Variants in CDH7 observed in about 807,000 individuals in gnomAD.
CDH7 encodes cadherin-7.
CDH7 carries 25 observed loss-of-function variants against 71.8 expected under a neutral mutation model. The observed-to-expected ratio is 0.35, with a 90% CI of 0.25 to 0.49. The LOEUF (loss-of-function observed/expected upper bound fraction) is 0.49, where lower values mean the gene tolerates loss of function less well. CDH7 is among the 20% of genes least tolerant of loss of function. The pLI, the probability that CDH7 is intolerant of heterozygous loss-of-function variation, is 0.99. For synonymous variants in CDH7, 381 were observed against 363.8 expected (o/e 1.05, Z -0.54); for missense variants, 862 against 974.6 (o/e 0.88, Z 1.54).
intron 11 of CDH7, among the ~76,000 whole-genome samples, chr18:65,867,314 C>T (rs1407292583): frequency 2.6e-5 from 4 of 152,152 alleles, no homozygotes; most frequent in African/African-American, 7.2e-5. Flanking sequence ...GGATTACAGG[C>T]GTGAGCCACC....
rs1914431017 is a variant in CDH7, at chr18:65,888,497, T to C, written c.*7603T>C. The C allele has an allele frequency of 6.6e-6, 1 of 152,168 alleles. No individual in the cohort carries two copies. Among genetic ancestry groups the C allele is most frequent in the Admixed American group, 6.5e-5 (1 of 15,268 alleles). The allele number at this position is 152,168 out of a possible 1,614,324, so 9.4% of individuals were successfully genotyped here. A position where few individuals can be genotyped will look rare whatever the true frequency, so the allele number is the denominator to read the frequency against. On this transcript the variant is annotated 3_prime_UTR_variant, in exon 12 of 12. Transcript: ENST00000397968. ...ATCCTGGTTTCCAGCTTATACCTCC[T>C]GACAACTCGGTACAGAAAATGAGTA... is the stretch of plus-strand genomic sequence containing the variant.
chr18:65,806,336 A>C (rs1484719), intron 2 of CDH7, among the ~76,000 whole-genome samples: 6 of 151,668 alleles, frequency 4.0e-5, no homozygotes, highest in African/African-American at 1.5e-4. Flanking sequence ...CAAAACAAAT[A>C]CTTTGAAAAG....
chr18:65,865,903 G>A (rs531356368), intron 11 of CDH7: 1 of 152,126 alleles, frequency 6.6e-6, no homozygotes, highest in Admixed American at 6.5e-5. Flanking sequence ...ATCAGGATTT[G>A]TAACTCAAAC....
intron 7 of CDH7, among the ~76,000 whole-genome samples, chr18:65,848,525 G>C (rs1191100511): frequency 6.7e-6 from 1 of 148,982 alleles, no homozygotes; most frequent in Admixed American, 6.8e-5. Flanking sequence ...TGTAAGTAGG[G>C]CTTCAAGAGA....
At chr18:65,803,810 A>G (rs185933077) in intron 2 of CDH7, 2 of 151,592 alleles carry the variant, frequency 1.3e-5, no homozygotes, top group Admixed American at 6.6e-5. Flanking sequence ...TCTGGAATAC[A>G]CTTTTATTCT....
In CDH7 at chr18:65,887,448, G is replaced by A. The variant is rs1454746823; in HGVS notation, c.*6554G>A. On this transcript the variant is annotated 3_prime_UTR_variant, in exon 12 of 12. Coordinates refer to ENST00000397968, the MANE Select transcript of CDH7 (RefSeq NM_004361.5). ...TACCCCACAACAGTCCCTAGAGTGTGGTGTTCCCCTTCCTGTGTAACTATA... is the reference window on the plus strand; with the variant it reads ...TACCCCACAACAGTCCCTAGAGTGTAGTGTTCCCCTTCCTGTGTAACTATA... 1 of 136,938 alleles carries A rather than the reference G, an allele frequency of 7.3e-6. No individual in the cohort carries two copies. The highest frequency in any genetic ancestry group is 1.5e-5 in the Non-Finnish European group (1 of 65,520). The allele number at this position is 136,938 out of a possible 1,614,324, so 8.5% of individuals were successfully genotyped here. A position where few individuals can be genotyped will look rare whatever the true frequency, so the allele number is the denominator to read the frequency against.
At chr18:65,856,926 G>C (rs371013616) in intron 7 of CDH7, among the ~76,000 whole-genome samples, 1 of 151,614 alleles carries the variant, frequency 6.6e-6, no homozygotes, top group African/African-American at 2.4e-5. Flanking sequence ...TCAAGAAAAG[G>C]CTTTTACATG....
chr18:65,817,371 C>G (rs577032785), intron 4 of CDH7, among the ~76,000 whole-genome samples: 1 of 152,038 alleles, frequency 6.6e-6, no homozygotes, highest in Non-Finnish European at 1.5e-5. Context: ...TGAGAACATC[C>G]CCTACAGGTT....
intron 11 of CDH7, among the ~76,000 whole-genome samples, chr18:65,877,977 G>A (rs1001377854): frequency 6.6e-6 from 1 of 152,080 alleles, no homozygotes; most frequent in African/African-American, 2.4e-5. Flanking sequence ...TATAAACAGT[G>A]CGGGGGCTTT....
At chr18:65,850,173 A>ATATATATAT (rs145348057) in intron 7 of CDH7, among the ~76,000 whole-genome samples, 1,701 of 65,190 alleles carry the variant, frequency 0.026, 17 homozygotes, top group Admixed American at 0.031. Flanking sequence ...CACTATATAT[A>ATATATATAT]ATATATATAT....
intron 1 of CDH7, among the ~76,000 whole-genome samples, chr18:65,753,110 G>A (rs560841685): frequency 1.3e-4 from 20 of 152,228 alleles, no homozygotes; most frequent in African/African-American, 4.3e-4. Context: ...GAGAGCACGC[G>A]GAGTTGGCCA....
chr18:65,822,840 A>G (rs1199515406), intron 5 of CDH7, among the ~76,000 whole-genome samples: 2 of 151,924 alleles, frequency 1.3e-5, no homozygotes, highest in African/African-American at 4.8e-5. Flanking sequence ...CACTTATTTG[A>G]CCAAAGGGGC....
Position 65,882,594 on chromosome 18 carries a change from C to A in CDH7, c.*1700C>A, listed in dbSNP as rs1315673279. On this transcript the variant is annotated 3_prime_UTR_variant, in exon 12 of 12. Transcript: ENST00000397968. The stretch of plus-strand genomic sequence containing the variant: ...TGAAGTATGTAAAAGTGGCCTTCAA[C>A]TTCATAAGTATAAATAATCCAATAA... The A allele has an allele frequency of 6.6e-6, 1 of 152,054 alleles. No homozygotes were observed. The highest frequency in any genetic ancestry group is 2.4e-5 in the African/African-American group (1 of 41,424). The allele number at this position is 152,054 out of a possible 1,614,324, so 9.4% of individuals were successfully genotyped here.
intron 4 of CDH7, among the ~76,000 whole-genome samples, chr18:65,818,315 T>C (rs1911794623): frequency 6.6e-6 from 1 of 152,180 alleles, no homozygotes; most frequent in African/African-American, 2.4e-5. Flanking sequence ...TTGGGTTTAT[T>C]ACAATTGGTG....
rs368423417 is a variant in CDH7 at position 65,870,793 on chromosome 18, T to C, written c.1864+7876T>C. Among the ~76,000 whole-genome samples the C allele has an allele frequency of 8.9e-4, 136 of 152,324 alleles. 5 individuals carry two copies. In the South Asian group the frequency reaches 0.027, roughly 30 times the overall value. On this transcript the variant is annotated intron_variant, in intron 11 of 11. Transcript: ENST00000397968. ...TAGTATTTGTTTCTTTTGTAGTACT[T>C]ATTTGTAACTATATGTGTTTGTTTT...
intron 1 of CDH7, among the ~76,000 whole-genome samples, chr18:65,754,639 G>A (rs1264769348): frequency 1.3e-5 from 2 of 152,134 alleles, no homozygotes; most frequent in Non-Finnish European, 2.9e-5. Flanking sequence ...TGATTATAAT[G>A]CGAATATCAG....
In CDH7 at chr18:65,774,160, T is replaced by G. The variant is rs545230296; in HGVS notation, c.210+11108T>G. Among the ~76,000 whole-genome samples the G allele has an allele frequency of 2.0e-3, 307 of 152,096 alleles. 1 individual carries two copies. The highest frequency in any genetic ancestry group is 3.1e-3 in the Non-Finnish European group (212 of 67,988). ...TTGATATTGGCATAAATTCTATCCC[T>G]CTATTAATACAAGCCATGATCTTAT... On this transcript the variant is annotated intron_variant, in intron 2 of 11. Transcript: ENST00000397968.
intron 11 of CDH7, among the ~76,000 whole-genome samples, chr18:65,877,343 T>C: frequency 6.6e-6 from 1 of 152,036 alleles, no homozygotes; most frequent in South Asian, 2.1e-4. Flanking sequence ...AGAAGTCAAG[T>C]TTATCAGTAG....
chr18:65,812,094 G>A (rs937994254), intron 3 of CDH7, among the ~76,000 whole-genome samples: 20 of 146,104 alleles, frequency 1.4e-4, no homozygotes, highest in Non-Finnish European at 2.2e-4. Context: ...TCAGCCTCCC[G>A]AGTAGCTGGG....
Sources: gnomAD v4.1 joint callset for allele counts (sites outside exome capture counted in the v4.1 genomes callset) on GRCh38, gnomAD v4.1.1 for gene constraint, MANE v1.5 for transcripts, NCBI Gene and HGNC (gene_info 2026-07-23, HGNC 2026-07-21) for gene names.